Variants in ANXA8 observed in about 807,000 individuals in gnomAD.
The protein encoded by ANXA8 is annexin A8, also known as VAC-beta.
ANXA8 carries 9 observed loss-of-function variants against 26.8 expected under a neutral mutation model. That is an observed-to-expected ratio of 0.34 (90% confidence interval 0.20 to 0.59). ANXA8 has a LOEUF of 0.59. ANXA8 is among the 20% of genes least tolerant of loss of function. ANXA8 has a pLI of 0.84. For missense variants in ANXA8, 83 were observed against 238.5 expected (o/e 0.35, Z 4.29); for synonymous variants, 39 against 94.8 (o/e 0.41, Z 3.42).
chr10:47,495,277 ATT>A, the ANXA8 span, among the ~76,000 whole-genome samples: 2 of 120,990 alleles, frequency 1.7e-5, no homozygotes, highest in Non-Finnish European at 3.5e-5. Flanking sequence ...TATTATTATT[ATT>A]ATTATTATTA....
the ANXA8 span, among the ~76,000 whole-genome samples, chr10:47,947,956 C>A: frequency 2.7e-5 from 4 of 150,932 alleles, 1 homozygote; most frequent in Non-Finnish European, 5.9e-5. Flanking sequence ...ATGGGGGGGA[C>A]CCCTGCATTC....
chr10:47,657,290 C>T, the ANXA8 span, among the ~76,000 whole-genome samples: 2 of 151,642 alleles, frequency 1.3e-5, no homozygotes, highest in Non-Finnish European at 2.9e-5. Context: ...TCTCAAACTC[C>T]TGAGTAGCTG....
the ANXA8 span, among the ~76,000 whole-genome samples, chr10:47,756,970 C>G: frequency 7.5e-6 from 1 of 132,692 alleles, no homozygotes; most frequent in Non-Finnish European, 1.6e-5. Context: ...GGTATTGCGG[C>G]TGGGTTAGAA....
chr10:47,526,927 T>TGG, the ANXA8 span, among the ~76,000 whole-genome samples: 1 of 77,634 alleles, frequency 1.3e-5, no homozygotes, highest in Admixed American at 1.5e-4. Context: ...TGGGGAAGAC[T>TGG]GGGTATGTAG....
the ANXA8 span, among the ~76,000 whole-genome samples, chr10:47,591,043 G>A: frequency 7.0e-6 from 1 of 142,746 alleles, no homozygotes; most frequent in Non-Finnish European, 1.5e-5. Context: ...TCTATTTAGG[G>A]CAATCAGAGT....
chr10:47,778,899 T>TTATGATATGATATGA, the ANXA8 span, among the ~76,000 whole-genome samples: 53 of 145,500 alleles, frequency 3.6e-4, no homozygotes, highest in Admixed American at 8.3e-4. Flanking sequence ...TCTGCCTACA[T>TTATGATATGATATGA]TATGATATGA....
At chr10:47,920,936 C>CA in the ANXA8 span, 1 of 104,180 alleles carries the variant, frequency 9.6e-6, no homozygotes, top group South Asian at 3.9e-4. Flanking sequence ...GCTTCCCATG[C>CA]AAAACATCCA....
chr10:47,937,251 G>A, the ANXA8 span, among the ~76,000 whole-genome samples: 3 of 147,426 alleles, frequency 2.0e-5, no homozygotes, highest in Admixed American at 6.8e-5. Context: ...GATGGCAGCT[G>A]TCTTCTGATA....
At chr10:47,556,677 G>A in the ANXA8 span, among the ~76,000 whole-genome samples, 1 of 151,844 alleles carries the variant, frequency 6.6e-6, no homozygotes, top group African/African-American at 2.4e-5. Context: ...GAAGACTGGG[G>A]TCACAAGTGG....
At chr10:47,544,085 G>A in the ANXA8 span, among the ~76,000 whole-genome samples, 1 of 151,708 alleles carries the variant, frequency 6.6e-6, no homozygotes. Flanking sequence ...CACGCACGAA[G>A]GACTCCAGCA....
the ANXA8 span, among the ~76,000 whole-genome samples, chr10:47,949,561 A>G: frequency 6.6e-6 from 1 of 150,792 alleles, no homozygotes; most frequent in South Asian, 2.1e-4. Flanking sequence ...AACAAAAATA[A>G]TAACAACGTA....
chr10:47,487,001 A>AAAAACAAAAAC (rs1840061404), upstream of ANXA8, among the ~76,000 whole-genome samples: 2 of 123,574 alleles, frequency 1.6e-5, no homozygotes, highest in East Asian at 3.9e-4. Context: ...AAAACAAAAA[A>AAAAACAAAAAC]ACAAAGTAGC....
chr10:47,743,301 T>TATATATACATATATATATAC, the ANXA8 span, among the ~76,000 whole-genome samples: 2,527 of 40,824 alleles, frequency 0.062, 699 homozygotes, highest in South Asian at 0.14. Flanking sequence ...TATACACATA[T>TATATATACATATATATATAC]ATATATATAT....
the ANXA8 span, among the ~76,000 whole-genome samples, chr10:47,645,967 G>A: frequency 6.7e-6 from 1 of 148,928 alleles, no homozygotes; most frequent in Non-Finnish European, 1.5e-5. Context: ...ATGCAGGCAG[G>A]AGATTGTGGA....
the ANXA8 span, among the ~76,000 whole-genome samples, chr10:47,685,250 G>A: frequency 4.1e-4 from 62 of 150,934 alleles, 1 homozygote; most frequent in African/African-American, 1.5e-3. Context: ...GGAGGCTGAG[G>A]TAGGAGAATC....
the ANXA8 span, among the ~76,000 whole-genome samples, chr10:47,743,415 A>T: frequency 7.8e-6 from 1 of 128,976 alleles, no homozygotes; most frequent in Non-Finnish European, 1.6e-5. Flanking sequence ...TGAGAGAGAG[A>T]GAGAGAGAGA....
the ANXA8 span, among the ~76,000 whole-genome samples, chr10:47,625,950 A>G: frequency 1.3e-5 from 2 of 150,636 alleles, no homozygotes; most frequent in Non-Finnish European, 1.5e-5. Context: ...TAAACTCTCT[A>G]TATAAGTGAG....
the ANXA8 span, among the ~76,000 whole-genome samples, chr10:47,988,663 G>C: frequency 1.4e-5 from 2 of 143,418 alleles, no homozygotes; most frequent in African/African-American, 5.1e-5. Flanking sequence ...ACTCCACTTT[G>C]TCCTGTTAGA....
At chr10:47,755,417 A>G in the ANXA8 span, among the ~76,000 whole-genome samples, 54 of 152,004 alleles carry the variant, frequency 3.6e-4, no homozygotes, top group African/African-American at 9.2e-4. Flanking sequence ...CACCACACCC[A>G]GCTAATTTTT....
Sources: allele counts gnomAD v4.1 joint callset (sites outside exome capture counted in the v4.1 genomes callset), GRCh38; gene constraint gnomAD v4.1.1; transcripts MANE v1.5; gene names NCBI Gene and HGNC (gene_info 2026-07-23, HGNC 2026-07-21).